WNT5A: variants seen among roughly 807,000 people sequenced by gnomAD.
The protein encoded by WNT5A is protein Wnt-5a.
In WNT5A, 9 loss-of-function variants were observed where a neutral mutation model predicts 42.1. The observed-to-expected ratio is 0.21, with a 90% CI of 0.13 to 0.37. The LOEUF is 0.37. Ranked by LOEUF, WNT5A falls within the 10% of genes least tolerant of loss-of-function variation. The pLI is 1.00. For synonymous variants in WNT5A, 210 were observed against 210.0 expected (o/e 1.00, Z 0.00); for missense variants, 426 against 534.0 (o/e 0.80, Z 1.99).
At chr3:55,478,499 C>A (rs1221335411) in intron 3 of WNT5A, among the ~76,000 whole-genome samples, 1 of 152,110 alleles carries the variant, frequency 6.6e-6, no homozygotes, top group East Asian at 1.9e-4. Context: ...AGAAAACATA[C>A]ATTGGACCAC....
At chr3:55,497,708 G>GC in the WNT5A span, among the ~76,000 whole-genome samples, 1 of 152,122 alleles carries the variant, frequency 6.6e-6, no homozygotes, top group East Asian at 1.9e-4. Flanking sequence ...GAAGCAACTT[G>GC]CCCAAGGTCA....
chr3:55,488,587 C>G (rs905437415), upstream of WNT5A, among the ~76,000 whole-genome samples: 3 of 152,110 alleles, frequency 2.0e-5, no homozygotes, highest in African/African-American at 7.2e-5. Context: ...TAAAGCCGTA[C>G]TACGGGCTGG....
chr3:55,503,738 G>T, the WNT5A span, among the ~76,000 whole-genome samples: 7 of 152,170 alleles, frequency 4.6e-5, no homozygotes, highest in Non-Finnish European at 7.3e-5. Context: ...ATAGCTTGAG[G>T]CCAGGAGTTC....
upstream of WNT5A, among the ~76,000 whole-genome samples, chr3:55,488,700 C>G (rs3908173): frequency 1.3e-5 from 2 of 152,122 alleles, no homozygotes; most frequent in African/African-American, 4.8e-5. Flanking sequence ...CAGCCGCTGC[C>G]TGCCTGCCGC....
intron 1 of WNT5A, among the ~76,000 whole-genome samples, chr3:55,485,345 T>G (rs901128231): frequency 7.9e-5 from 12 of 151,438 alleles, no homozygotes; most frequent in African/African-American, 2.9e-4. Context: ...GCTAACCCCT[T>G]GAGCACCGGA....
Position 55,470,167 on chromosome 3 carries a change from G to A in WNT5A, c.1068C>T (p.His356=). 2 of 1,614,090 alleles carry A rather than the reference G, an allele frequency of 1.2e-6. No individual in the cohort carries two copies. Among genetic ancestry groups the A allele is most frequent in the Non-Finnish European group, 1.7e-6 (2 of 1,179,966 alleles). Residue 356 remains histidine, a synonymous_variant, in exon 5 of 5, where the codon CAC becomes CAT. Coordinates refer to ENST00000264634, the MANE Select transcript of WNT5A (RefSeq NM_003392.7). ...CGTAGCAGCACCAGTGGAACTTGCA[G>A]TGGCAGCGCTCCGTCTGCACGGTCT... ...QFKTVQTERC[H]CKFHWCCYVK...
Position 55,487,159 on chromosome 3 carries a change from C to A in WNT5A, c.-174G>T. The A allele has an allele frequency of 8.4e-6, 5 of 595,016 alleles. No individual in the cohort carries two copies. The South Asian group carries it at 1.0e-4, about 12-fold the overall frequency. The allele number at this position is 595,016 out of a possible 1,614,324, so 36.9% of individuals were successfully genotyped here. ...CGGAGCTGAAGCGGGCACTGGCGCC[C>A]GGGCCTGGACTCCCGAGTTGGGGCA... On this transcript the variant is annotated 5_prime_UTR_variant, in exon 1 of 5. Coordinates refer to ENST00000264634, the MANE Select transcript of WNT5A (RefSeq NM_003392.7).
intron 1 of WNT5A, among the ~76,000 whole-genome samples, chr3:55,484,315 G>A (rs1332428638): frequency 1.3e-5 from 2 of 152,132 alleles, no homozygotes; most frequent in African/African-American, 2.4e-5. Flanking sequence ...TGGAGAATGC[G>A]GGGAGCGGCG....
At chr3:55,488,888 G>C (rs1378141398), upstream of WNT5A, among the ~76,000 whole-genome samples, 3 of 152,204 alleles carry the variant, frequency 2.0e-5, no homozygotes, top group Non-Finnish European at 2.9e-5. Flanking sequence ...CTCTGGGGGA[G>C]GATACTTAAG....
At chr3:55,486,732 T>G (rs996291303) in intron 1 of WNT5A, among the ~76,000 whole-genome samples, 1 of 152,216 alleles carries the variant, frequency 6.6e-6, no homozygotes, top group African/African-American at 2.4e-5. Context: ...TTCCCCACTT[T>G]TTCTCAAAAA....
chr3:55,486,895 G>C, intron 1 of WNT5A, 85 bp downstream of exon 1: 1 of 942,128 alleles, frequency 1.1e-6, no homozygotes, highest in Non-Finnish European at 1.7e-6. Context: ...TGGAGGGATA[G>C]GAAGAGGCGA....
chr3:55,471,572 G>C (rs1338632794), intron 4 of WNT5A, among the ~76,000 whole-genome samples: 1 of 152,238 alleles, frequency 6.6e-6, no homozygotes, highest in African/African-American at 2.4e-5. Flanking sequence ...AGTAAATCTG[G>C]TCTTTCTTTA....
intron 1 of WNT5A, among the ~76,000 whole-genome samples, chr3:55,484,612 C>A (rs1328097028): frequency 1.3e-5 from 2 of 151,888 alleles, no homozygotes; most frequent in African/African-American, 4.8e-5. Context: ...AGGGGAAGAA[C>A]GGTCTGGCCT....
At position 55,481,317 on chromosome 3, in the gene WNT5A, G is replaced by A. The variant is rs1015281263; in HGVS notation, c.7-399C>T. 60 of 988,728 alleles carry A rather than the reference G, an allele frequency of 6.1e-5. No homozygotes were observed. The Admixed American group carries it at 1.3e-3, about 22-fold the overall frequency. The allele number at this position is 988,728 out of a possible 1,614,324, so 61.2% of individuals were successfully genotyped here. On this transcript the variant is annotated intron_variant, in intron 1 of 4. Coordinates refer to ENST00000264634, the MANE Select transcript of WNT5A (RefSeq NM_003392.7). The stretch of plus-strand genomic sequence containing the variant: ...CAGGAACCCGCTGCGGCCACCCTCC[G>A]TCCTCTCCCCAACCTGGGCCGAGCA...
upstream of WNT5A, chr3:55,487,787 G>A (rs1318382515): frequency 6.6e-6 from 1 of 152,322 alleles, no homozygotes. Flanking sequence ...TGAGCTGCAA[G>A]AGTCAGCCCC....
In WNT5A at chr3:55,474,318, GGCGAGAC is replaced by G. The variant is rs1232682256; in HGVS notation, c.684+12_684+18del. The G allele has an allele frequency of 6.2e-7, 1 of 1,612,438 alleles. No homozygotes were observed. The highest frequency in any genetic ancestry group is 8.5e-7 in the Non-Finnish European group (1 of 1,179,724). On this transcript the variant is annotated intron_variant, in intron 4 of 4. Transcript: ENST00000264634. ...TGAGAAGACAGAGATGCGGGGCGGGGGCGAGACGCGGCACTCACCCTGCGGCCGGCCT... is the reference window on the plus strand; with the variant it reads ...TGAGAAGACAGAGATGCGGGGCGGGGGCGGCACTCACCCTGCGGCCGGCCT...
At chr3:55,499,391 C>T in the WNT5A span, among the ~76,000 whole-genome samples, 1 of 152,156 alleles carries the variant, frequency 6.6e-6, no homozygotes, top group African/African-American at 2.4e-5. Context: ...AGGAGTTTCT[C>T]TTAGAGACAG....
upstream of WNT5A, among the ~76,000 whole-genome samples, chr3:55,494,822 C>T (rs970474639): frequency 5.9e-5 from 9 of 152,196 alleles, no homozygotes; most frequent in African/African-American, 2.2e-4. Context: ...CAGGTGTGAG[C>T]CATGGCACCA....
chr3:55,484,548 C>A (rs560674480), intron 1 of WNT5A, among the ~76,000 whole-genome samples: 1 of 152,240 alleles, frequency 6.6e-6, no homozygotes, highest in East Asian at 1.9e-4. Context: ...AAAAGAGAGC[C>A]GCCCAGGCCT....
Sources: allele counts gnomAD v4.1 joint callset (sites outside exome capture counted in the v4.1 genomes callset), GRCh38; gene constraint gnomAD v4.1.1; transcripts MANE v1.5; gene names NCBI Gene and HGNC (gene_info 2026-07-23, HGNC 2026-07-21).